Variants in OCRL observed in about 807,000 individuals in gnomAD.
OCRL encodes inositol polyphosphate 5-phosphatase OCRL.
In OCRL, 8 loss-of-function variants were observed where a neutral mutation model predicts 78.9. The ratio of observed to expected loss-of-function variants is 0.10; its 90% CI spans 0.06 to 0.18. OCRL has a LOEUF of 0.18. Among genes scored for constraint, OCRL ranks in the 10% least tolerant of loss-of-function variants. The pLI is 1.00. For missense variants in OCRL, 454 were observed against 696.7 expected, an observed-to-expected ratio of 0.65 and a Z score of 3.92; for synonymous variants, 240 against 235.4, an observed-to-expected ratio of 1.02 and a Z score of -0.18.
At chrX:129,574,557 T>G (rs1276915006) in intron 15 of OCRL, among the ~76,000 whole-genome samples, 1 of 112,298 alleles carries the variant, frequency 8.9e-6, no homozygotes, top group African/African-American at 3.2e-5. Flanking sequence ...TTATACTTCT[T>G]GGTATTGTAC....
rs1167628637 is a variant in OCRL at position 129,540,535 on chromosome X, G to A, written c.39+57G>A. On this transcript the variant is annotated intron_variant, in intron 1 of 23. Transcript: ENST00000371113. ...CGCGCAGGGCCGGGGGTGGGGGTCG[G>A]GGGCCCTGCGGAACACGGTGGGGCG... 1.4e-5 allele frequency: 15 copies of A among 1,091,167 alleles called. No homozygotes were observed. In the Middle Eastern group the frequency reaches 1.0e-3, roughly 74 times the overall value. 89.9% of individuals were successfully genotyped at this position (1,091,167 alleles called of 1,213,427 possible).
intron 12 of OCRL, among the ~76,000 whole-genome samples, chrX:129,563,146 C>T (rs777010646): frequency 8.9e-6 from 1 of 111,870 alleles, no homozygotes; most frequent in Admixed American, 9.5e-5. Context: ...TAGCCAGTCC[C>T]TCTCTCCAAA....
At chrX:129,587,809 C>T (rs984777848) in intron 20 of OCRL, among the ~76,000 whole-genome samples, 3 of 108,320 alleles carry the variant, frequency 2.8e-5, no homozygotes, top group Non-Finnish European at 5.7e-5. Context: ...CAGAGACGGG[C>T]GCATTGCTTG....
At position 129,558,635 on chromosome X, in the gene OCRL, C is replaced by T; in HGVS notation, c.442C>T (p.Leu148Phe). The change falls in exon 7 of 24, where the codon CTT becomes TTT. Residue 148 changes from leucine to phenylalanine, a missense_variant and splice_region_variant. Around this residue, in one of 2 missense-constraint regions of OCRL, gnomAD observed 177 missense variants for 179.6 expected, o/e 0.99. Coordinates refer to ENST00000371113, the MANE Select transcript of OCRL (RefSeq NM_000276.4). The stretch of plus-strand genomic sequence containing the variant: ...ACTTTGGGGTCTGTGTCTTTCAGGG[C>T]TTCTTGGATTTGAAGACAATTTTTC... Reference protein sequence around the residue: ...TKDKPSVFSGLLGFEDNFSSM... With the variant: ...TKDKPSVFSGFLGFEDNFSSM... 1 of 1,211,188 alleles carries T rather than the reference C, an allele frequency of 8.3e-7. No homozygotes were observed. Among genetic ancestry groups the T allele is most frequent in the East Asian group, 3.0e-5 (1 of 33,854 alleles).
intron 13 of OCRL, 54 bp from the exon 14 acceptor site, chrX:129,567,200 T>C (rs1036601806): frequency 6.0e-6 from 5 of 835,510 alleles, no homozygotes; most frequent in Non-Finnish European, 9.0e-6. Flanking sequence ...CCTGATTATC[T>C]CTTATATTAA....
chrX:129,569,141 G>A, intron 14 of OCRL, 123 bp from the exon 15 acceptor site: 1 of 795,709 alleles, frequency 1.3e-6, no homozygotes, highest in Middle Eastern at 3.5e-4. Context: ...TGTTAGGGAA[G>A]GAGAAGTACA....
chrX:129,565,271 A>G (rs1021068233), intron 12 of OCRL, among the ~76,000 whole-genome samples: 2 of 111,695 alleles, frequency 1.8e-5, no homozygotes, highest in African/African-American at 6.5e-5. Flanking sequence ...AACTTGGGCA[A>G]TGGTAGACCA....
At position 129,576,521 on chromosome X, in the gene OCRL, G is replaced by A. The variant is rs773110186; in HGVS notation, c.2084G>A (p.Arg695Gln). 2 of 1,208,059 alleles carry A rather than the reference G, an allele frequency of 1.7e-6. No individual in the cohort carries two copies. Among genetic ancestry groups the A allele is most frequent in the Admixed American group, 2.2e-5 (1 of 46,069 alleles). Reference protein sequence around the residue: ...EALCRMKRPIREVPVTKLIDL... With the variant: ...EALCRMKRPIQEVPVTKLIDL... Reference sequence around the variant, plus strand: ...CTGTGCCGTATGAAAAGACCAATCCGAGAAGTTCCTGTTACCAAACTCATA... The same window carrying A: ...CTGTGCCGTATGAAAAGACCAATCCAAGAAGTTCCTGTTACCAAACTCATA... The change falls in exon 18 of 24, where the codon CGA becomes CAA. Residue 695 changes from arginine (R) to glutamine (Q), a missense_variant. Arg to Gln is a conservative substitution (Grantham distance 43). Coordinates refer to ENST00000371113, the MANE Select transcript of OCRL (RefSeq NM_000276.4).
chrX:129,555,303 G>A (rs1211845289), intron 4 of OCRL, among the ~76,000 whole-genome samples: 2 of 110,120 alleles, frequency 1.8e-5, no homozygotes, highest in East Asian at 2.9e-4. Context: ...GGTGAAACCC[G>A]ATCTCTACTA....
rs1280365548 is a variant in OCRL, at chrX:129,540,774, C to T, written c.70C>T (p.Leu24Phe). The change falls in exon 2 of 24, where the codon CTC becomes TTC. Residue 24 changes from leucine (L) to phenylalanine (F), a missense_variant. Leu to Phe is a conservative substitution (Grantham distance 22, BLOSUM62 0). Transcript: ENST00000371113. Reference protein sequence around the residue: ...TVEGMEMKGPLREPCALTLAQ... With the variant: ...TVEGMEMKGPFREPCALTLAQ... The stretch of plus-strand genomic sequence containing the variant: ...CGAGGGTATGGAGATGAAGGGTCCT[C>T]TCCGGGAGCCCTGCGCCCTGACCCT... 8.3e-7 allele frequency: 1 copy of T among 1,208,543 alleles called. No homozygotes were observed. Among genetic ancestry groups the T allele is most frequent in the Admixed American group, 2.2e-5 (1 of 45,790 alleles).
chrX:129,569,886 C>T (rs1271696874), intron 15 of OCRL, among the ~76,000 whole-genome samples: 1 of 100,080 alleles, frequency 1.0e-5, no homozygotes, highest in African/African-American at 3.7e-5. Context: ...CCCTATCCTC[C>T]GGGCTGGAGT....
At chrX:129,576,654 G>T in intron 18 of OCRL, 102 bp downstream of exon 18, 1 of 601,369 alleles carries the variant, frequency 1.7e-6, no homozygotes, top group Non-Finnish European at 2.7e-6. Flanking sequence ...TTTTGGCCAC[G>T]GGGGATGTCA....
chrX:129,561,344 CG>C lies in OCRL; in HGVS notation c.939+54del. The C allele has an allele frequency of 4.0e-6, 3 of 745,996 alleles. No homozygotes were observed. The South Asian group carries it at 6.3e-5, about 16-fold the overall frequency. The allele number at this position is 745,996 out of a possible 1,213,427, so 61.5% of individuals were successfully genotyped here. A position where few individuals can be genotyped will look rare whatever the true frequency, so the allele number is the denominator to read the frequency against. On this transcript the variant is annotated intron_variant, in intron 10 of 23. Coordinates refer to ENST00000371113, the MANE Select transcript of OCRL (RefSeq NM_000276.4). ...AAGTGTATGACTAAATAGGGCTCAC[CG>C]GGAGTTATTCCATTATCTACAACTT...
chrX:129,549,151 C>A (rs935271984), intron 4 of OCRL, among the ~76,000 whole-genome samples: 1 of 111,845 alleles, frequency 8.9e-6, no homozygotes, highest in African/African-American at 3.2e-5. Context: ...CCCCTCAAGG[C>A]ATCTCTTTAT....
At chrX:129,566,192 C>T (rs1936214465) in intron 13 of OCRL, among the ~76,000 whole-genome samples, 1 of 112,136 alleles carries the variant, frequency 8.9e-6, no homozygotes, top group South Asian at 3.7e-4. Flanking sequence ...TTGGGGAACA[C>T]TTCCTGGAGG....
chrX:129,589,638 A>G (rs977005688), intron 22 of OCRL: 2 of 436,288 alleles, frequency 4.6e-6, no homozygotes, highest in African/African-American at 4.9e-5. Flanking sequence ...CATTGAGTGG[A>G]CAGGGACCAA....
chrX:129,545,409 A>T (rs761290510), intron 3 of OCRL, among the ~76,000 whole-genome samples: 3 of 112,495 alleles, frequency 2.7e-5, no homozygotes, highest in Non-Finnish European at 5.6e-5. Context: ...ACACACATTC[A>T]GCACTTTCTC....
chrX:129,574,475 G>A (rs1478218046), intron 15 of OCRL, among the ~76,000 whole-genome samples: 2 of 112,298 alleles, frequency 1.8e-5, no homozygotes, highest in Non-Finnish European at 3.8e-5. Flanking sequence ...TTTTGTTTCA[G>A]CCATTTTCTA....
chrX:129,588,773 C>T (rs1318286212), intron 21 of OCRL, 113 bp from the exon 22 acceptor site: 1 of 892,233 alleles, frequency 1.1e-6, no homozygotes, highest in Non-Finnish European at 1.6e-6. Context: ...GATCAATGTG[C>T]CCTGAATAAG....
Sources: allele counts gnomAD v4.1 joint callset (sites outside exome capture counted in the v4.1 genomes callset), GRCh38; gene constraint gnomAD v4.1.1; regional missense constraint gnomAD v4.1.1; transcripts MANE v1.5; gene names NCBI Gene and HGNC (gene_info 2026-07-23, HGNC 2026-07-21).